Variants in RNF216 observed in about 807,000 individuals in gnomAD.
The protein encoded by RNF216 is E3 ubiquitin-protein ligase RNF216.
A neutral mutation model predicts 110.8 loss-of-function variants in RNF216; 72 were observed. The observed-to-expected ratio is 0.65, with a 90% CI of 0.54 to 0.79. The LOEUF (loss-of-function observed/expected upper bound fraction) is 0.79. Ranked by LOEUF, RNF216 falls within the 30% of genes least tolerant of loss-of-function variation. RNF216 has a pLI of 0.00. For synonymous variants in RNF216, 495 were observed against 407.5 expected (o/e 1.21, Z -2.59); for missense variants, 1,342 against 1,141.2 (o/e 1.18, Z -2.54).
chr7:5,656,782 T>C (rs539655185), intron 13 of RNF216, among the ~76,000 whole-genome samples: 1 of 152,310 alleles, frequency 6.6e-6, no homozygotes, highest in South Asian at 2.1e-4. Context: ...TAATGATTAA[T>C]GAATAAAGCA....
chr7:5,733,969 TA>T (rs964809539), intron 5 of RNF216, among the ~76,000 whole-genome samples: 9 of 152,240 alleles, frequency 5.9e-5, no homozygotes, highest in South Asian at 2.1e-4. Flanking sequence ...AAAACTGCTC[TA>T]AAAAAATAAA....
chr7:5,761,884 G>A (rs555577083), intron 1 of RNF216, among the ~76,000 whole-genome samples: 14 of 152,236 alleles, frequency 9.2e-5, no homozygotes, highest in African/African-American at 3.4e-4. Context: ...CTGGTTTGAA[G>A]AGTAACTTGG....
At chr7:5,760,938 A>C in intron 2 of RNF216, 65 bp downstream of exon 2, 1 of 1,266,216 alleles carries the variant, frequency 7.9e-7, no homozygotes, top group South Asian at 1.3e-5. Context: ...ATTTCAAAAG[A>C]TACAGCTGTG....
intron 1 of RNF216, among the ~76,000 whole-genome samples, chr7:5,767,650 A>G (rs1329337474): frequency 6.6e-6 from 1 of 150,640 alleles, no homozygotes; most frequent in Admixed American, 6.6e-5. Context: ...ACCCAGGCTG[A>G]AGTAATGGTG....
At chr7:5,770,573 T>C (rs1002362654) in intron 1 of RNF216, among the ~76,000 whole-genome samples, 1 of 152,026 alleles carries the variant, frequency 6.6e-6, no homozygotes, top group Non-Finnish European at 1.5e-5. Context: ...TCACTCTAAA[T>C]TGATGTGTAG....
At chr7:5,636,162 A>G (rs1476409853) in intron 15 of RNF216, among the ~76,000 whole-genome samples, 3 of 152,138 alleles carry the variant, frequency 2.0e-5, no homozygotes, top group Admixed American at 1.3e-4. Context: ...CAGTATATTC[A>G]CGTTCAGTAA....
intron 1 of RNF216, among the ~76,000 whole-genome samples, chr7:5,765,068 T>TA (rs528737623): frequency 0.31 from 39,527 of 128,284 alleles, 5,789 homozygotes; most frequent in Admixed American, 0.39. Flanking sequence ...AAGACTCTCT[T>TA]AAAAAAAAAA....
chr7:5,724,808 T>C (rs1562432458), intron 8 of RNF216, among the ~76,000 whole-genome samples: 2 of 152,318 alleles, frequency 1.3e-5, no homozygotes, highest in East Asian at 1.9e-4. Flanking sequence ...TGAGTTGTTA[T>C]AACACTCAAG....
At chr7:5,629,426 A>G (rs551024155) in intron 15 of RNF216, among the ~76,000 whole-genome samples, 11 of 152,008 alleles carry the variant, frequency 7.2e-5, no homozygotes, top group African/African-American at 2.7e-4. Context: ...TGATTGTGCC[A>G]TTGTACTGGC....
intron 11 of RNF216, 93 bp downstream of exon 11, chr7:5,714,960 C>G (rs1331871848): frequency 8.1e-7 from 1 of 1,233,408 alleles, no homozygotes; most frequent in Admixed American, 2.2e-5. Context: ...CCACCTCACC[C>G]TCAAAGAGGC....
At chr7:5,705,719 A>G (rs1213333933) in intron 13 of RNF216, among the ~76,000 whole-genome samples, 1 of 152,036 alleles carries the variant, frequency 6.6e-6, no homozygotes, top group Non-Finnish European at 1.5e-5. Context: ...GACCAGACGG[A>G]CCAACATGGA....
chr7:5,660,767 G>T (rs1386414239), intron 13 of RNF216, among the ~76,000 whole-genome samples: 3 of 149,888 alleles, frequency 2.0e-5, no homozygotes, highest in African/African-American at 7.4e-5. Flanking sequence ...ATGGGGTCTT[G>T]CCATGTTGCC....
At chr7:5,772,123 C>T (rs1300355732) in intron 1 of RNF216, among the ~76,000 whole-genome samples, 1 of 152,172 alleles carries the variant, frequency 6.6e-6, no homozygotes, top group African/African-American at 2.4e-5. Context: ...ATCCCAGCTA[C>T]TCAGGACGCT....
intron 13 of RNF216, among the ~76,000 whole-genome samples, chr7:5,653,372 C>T (rs567896045): frequency 2.0e-5 from 3 of 151,912 alleles, no homozygotes; most frequent in South Asian, 4.2e-4. Context: ...GGGCGGATCA[C>T]GAGGTCATGA....
chr7:5,737,636 G>A (rs1471436959), intron 5 of RNF216, among the ~76,000 whole-genome samples: 1 of 152,068 alleles, frequency 6.6e-6, no homozygotes, highest in Admixed American at 6.6e-5. Flanking sequence ...CAGTGTCATT[G>A]TACAAATTAG....
At chr7:5,635,494 C>T (rs1034205643) in intron 15 of RNF216, among the ~76,000 whole-genome samples, 5 of 152,086 alleles carry the variant, frequency 3.3e-5, no homozygotes, top group East Asian at 1.9e-4. Flanking sequence ...CTTTCCTTAC[C>T]AGGTTTCTGC....
chr7:5,704,482 C>T (rs901149243), intron 13 of RNF216, among the ~76,000 whole-genome samples: 8 of 152,172 alleles, frequency 5.3e-5, no homozygotes, highest in African/African-American at 1.9e-4. Context: ...AAAGCGTATG[C>T]GCTAATAACA....
At chr7:5,669,555 G>C (rs903637859) in intron 13 of RNF216, among the ~76,000 whole-genome samples, 1 of 152,144 alleles carries the variant, frequency 6.6e-6, no homozygotes, top group Non-Finnish European at 1.5e-5. Flanking sequence ...TCTAAATCAA[G>C]ACCTAAACTT....
At position 5,696,115 on chromosome 7, in the gene RNF216, G is replaced by A. The variant is rs1364943129; in HGVS notation, c.2061+15646C>T. On this transcript the variant is annotated intron_variant, in intron 13 of 16. Coordinates refer to ENST00000389902, the MANE Select transcript of RNF216 (RefSeq NM_207111.4). The surrounding 1 kb of genome is among the most constrained non-coding windows in gnomAD (Gnocchi z 5.4). ...GACAAGAAAGCAGCCACCAGCTCCAGACAAATCCAGCCCAAGGGGAAACAC... is the reference window on the plus strand; with the variant it reads ...GACAAGAAAGCAGCCACCAGCTCCAAACAAATCCAGCCCAAGGGGAAACAC... Among the ~76,000 whole-genome samples the A allele has an allele frequency of 6.6e-6, 1 of 152,142 alleles. No individual in the cohort carries two copies. Among genetic ancestry groups the A allele is most frequent in the African/African-American group, 2.4e-5 (1 of 41,430 alleles).
Sources: gnomAD v4.1 joint callset for allele counts (sites outside exome capture counted in the v4.1 genomes callset) on GRCh38, gnomAD v4.1.1 for gene constraint, Gnocchi (gnomAD v3.1) non-coding constraint, MANE v1.5 for transcripts, NCBI Gene and HGNC (gene_info 2026-07-23, HGNC 2026-07-21) for gene names.